Variants in PKD1 observed in about 807,000 individuals in gnomAD.
PKD1 encodes polycystin-1.
In PKD1, 81 loss-of-function variants were observed where a neutral mutation model predicts 361.7. That is an observed-to-expected ratio of 0.22 (90% confidence interval 0.19 to 0.27). The LOEUF (loss-of-function observed/expected upper bound fraction) is 0.27, where lower values mean the gene tolerates loss of function less well. Among genes scored for constraint, PKD1 ranks in the 10% least tolerant of loss-of-function variants. PKD1 has a pLI of 1.00. For missense variants in PKD1, 6,399 were observed against 6,118.3 expected, an observed-to-expected ratio of 1.05 and a Z score of -1.53; for synonymous variants, 3,615 against 2,818.3, an observed-to-expected ratio of 1.28 and a Z score of -8.95.
intron 15 of PKD1, 99 bp from the exon 16 acceptor site, chr16:2,108,131 G>A (rs2092406944): frequency 6.8e-7 from 1 of 1,473,906 alleles, no homozygotes; most frequent in Non-Finnish European, 9.4e-7. Flanking sequence ...CCCTCCCCAT[G>A]CTGGGACGGG....
At position 2,101,302 on chromosome 16, in the gene PKD1, G is replaced by C. The variant is rs140915042; in HGVS notation, c.9398-736C>G. Among the ~76,000 whole-genome samples the C allele has an allele frequency of 3.5e-3, 534 of 152,162 alleles. 1 individual carries two copies. The highest frequency in any genetic ancestry group is 0.012 in the African/African-American group (515 of 41,488). On this transcript the variant is annotated intron_variant, in intron 26 of 45. Transcript: ENST00000262304. ...CCCGGCCGACAGTTTTTAAAAGTAG[G>C]TAATCAAAAGAAAGAACTGGGCAAT... is the stretch of plus-strand genomic sequence containing the variant.
chr16:2,134,506 A>G (rs2092927107), intron 1 of PKD1, among the ~76,000 whole-genome samples: 1 of 138,078 alleles, frequency 7.2e-6, no homozygotes, highest in Non-Finnish European at 1.5e-5. Context: ...GACTCTCCCC[A>G]GCGCTGGGGA....
chr16:2,089,352 G>T lies in PKD1; in HGVS notation c.*375C>A. The T allele has an allele frequency of 2.9e-6, 1 of 349,302 alleles. No homozygotes were observed. The highest frequency in any genetic ancestry group is 5.6e-5 in the East Asian group (1 of 17,922). The allele number at this position is 349,302 out of a possible 1,614,324, so 21.6% of individuals were successfully genotyped here. A position where few individuals can be genotyped will look rare whatever the true frequency, so the allele number is the denominator to read the frequency against. ...CTGGAGAGGTAATAACTTAGGGGCA[G>T]GGTGGCGGCGGTGCAGGCTAACCCT... On this transcript the variant is annotated 3_prime_UTR_variant, in exon 46 of 46. Transcript: ENST00000262304.
rs1050876511 is a variant in PKD1 at position 2,090,366 on chromosome 16, G to A, written c.12363C>T (p.Ala4121=). ...CCATCTCGTAGTCCTGGGGCTCCCAGGCCGGCCGGTACAGCTCTCCACGCA... is the reference window on the plus strand; with the variant it reads ...CCATCTCGTAGTCCTGGGGCTCCCAAGCCGGCCGGTACAGCTCTCCACGCA... ...HALRGELYRP[A]WEPQDYEMVE... is the part of the protein sequence containing the mutation. The change falls in exon 45 of 46, where the codon GCC becomes GCT. Residue 4121 remains alanine, a synonymous_variant. Coordinates refer to ENST00000262304, the MANE Select transcript of PKD1 (RefSeq NM_001009944.3). 6 of 1,612,644 alleles carry A rather than the reference G, an allele frequency of 3.7e-6. No individual in the cohort carries two copies. Among genetic ancestry groups the A allele is most frequent in the East Asian group, 2.2e-5 (1 of 44,876 alleles).
chr16:2,093,684 C>T lies in PKD1; in HGVS notation c.10876G>A (p.Glu3626Lys), dbSNP rs1046924289. 6.2e-7 allele frequency: 1 copy of T among 1,604,212 alleles called. No individual in the cohort carries two copies. The highest frequency in any genetic ancestry group is 8.5e-7 in the Non-Finnish European group (1 of 1,175,542). ...GGGCTCTCTACCAGGGTGTCATCTT[C>T]ATCCGGGTGCAGCCGCTTGGCCACC... is the stretch of plus-strand genomic sequence containing the variant. Reference protein sequence around the residue: ...SLVAKRLHPDEDDTLVESPAV... With the variant: ...SLVAKRLHPDKDDTLVESPAV... The change falls in exon 37 of 46, where the codon GAA (glutamate) becomes AAA (lysine). Residue 3626 changes from glutamate to lysine, a missense_variant. By Grantham distance (56) the Glu-to-Lys change is moderately conservative. Transcript: ENST00000262304.
At position 2,112,923 on chromosome 16, in the gene PKD1, T is replaced by C; in HGVS notation, c.3026A>G (p.Tyr1009Cys). The C allele has an allele frequency of 6.2e-7, 1 of 1,604,884 alleles. No individual in the cohort carries two copies. The highest frequency in any genetic ancestry group is 8.5e-7 in the Non-Finnish European group (1 of 1,179,758). The change falls in exon 13 of 46, where the codon TAC (tyrosine) becomes TGC (cysteine). Residue 1009 changes from tyrosine (Y) to cysteine (C), a missense_variant. Tyr to Cys is a radical substitution (Grantham distance 194). Coordinates refer to ENST00000262304, the MANE Select transcript of PKD1 (RefSeq NM_001009944.3). ...SNHVSNVTVNYNVTVERMNRM... is the reference protein window; with the variant it reads ...SNHVSNVTVNCNVTVERMNRM... The stretch of plus-strand genomic sequence containing the variant: ...GTTCATCCGCTCCACGGTTACGTTG[T>C]AGTTCACGGTGACGTTGCTCACGTG...
chr16:2,112,683 C>T (rs766767680), intron 13 of PKD1, 105 bp downstream of exon 13: 224 of 1,298,006 alleles, frequency 1.7e-4, no homozygotes, highest in Non-Finnish European at 2.1e-4. Flanking sequence ...GACAGGGAAA[C>T]CGAGGCTCAG....
Position 2,100,055 on chromosome 16 carries a change from C to T in PKD1, c.9729G>A (p.Leu3243=), listed in dbSNP as rs2092027310. 1 of 1,595,792 alleles carries T rather than the reference C, an allele frequency of 6.3e-7. No homozygotes were observed. The highest frequency in any genetic ancestry group is 8.5e-7 in the Non-Finnish European group (1 of 1,172,738). ...CAGCCACCAGCAGGCGCCGGAAGCG[C>T]AAAAGGGCTGCGTCGCCTAGAAGGC... The part of the protein sequence containing the change: ...EVLAASDAAL[L]RFRRLLVAEL... Residue 3243 remains leucine, a synonymous_variant, in exon 29 of 46, where the codon TTG becomes TTA. Coordinates refer to ENST00000262304, the MANE Select transcript of PKD1 (RefSeq NM_001009944.3). This position sits in a 1 kb window ranked among gnomAD's most constrained non-coding sequence, Gnocchi z 4.4.
At chr16:2,127,117 C>T (rs1393424974) in intron 1 of PKD1, among the ~76,000 whole-genome samples, 1 of 152,122 alleles carries the variant, frequency 6.6e-6, no homozygotes, top group Admixed American at 6.5e-5. Context: ...CCCAAAGCTC[C>T]CAAAGACTCT....
Position 2,099,665 on chromosome 16 carries a change from G to A in PKD1, c.10029C>T (p.Leu3343=). ...VYPVYLAILF[L]FRMSRSKVAG... is the part of the protein sequence containing the mutation. The stretch of plus-strand genomic sequence containing the variant: ...CCACCTTGCTCCGGGACATCCGGAA[G>A]AGAAAAAGGATGGCCAGGTAGACGG... The change falls in exon 30 of 46, where the codon CTC becomes CTT. Residue 3343 remains leucine, a synonymous_variant. Transcript: ENST00000262304. 6.3e-7 allele frequency: 1 copy of A among 1,593,966 alleles called. No individual in the cohort carries two copies. The highest frequency in any genetic ancestry group is 8.5e-7 in the Non-Finnish European group (1 of 1,178,020).
intron 22 of PKD1, 105 bp downstream of exon 22, chr16:2,104,393 G>T: frequency 1.6e-6 from 1 of 637,642 alleles, no homozygotes; most frequent in South Asian, 1.7e-5. Context: ...AGGGGAGGGG[G>T]ACGAAGATGG....
At chr16:2,120,761 G>A (rs866445617) in intron 1 of PKD1, among the ~76,000 whole-genome samples, 2 of 152,228 alleles carry the variant, frequency 1.3e-5, no homozygotes, top group African/African-American at 4.8e-5. Flanking sequence ...GCTCACTCCT[G>A]TAATGCCAGA....
At chr16:2,104,337 GGAGAATGGGAATTGGGGGAGGGGGAT>G (rs1567179588) in intron 22 of PKD1, among the ~76,000 whole-genome samples, 135 bp downstream of exon 22, 1 of 81,832 alleles carries the variant, frequency 1.2e-5, no homozygotes, top group Non-Finnish European at 2.5e-5. Context: ...GGGAGGGGGA[GGAGAATGGGAATTGGGGGAGGGGGAT>G]GAGGATGGGA....
chr16:2,088,898 C>CA lies in PKD1; in HGVS notation c.*828dup. 2.3e-6 allele frequency: 1 copy of CA among 431,588 alleles called. No individual in the cohort carries two copies. Among genetic ancestry groups the CA allele is most frequent in the Non-Finnish European group, 4.3e-6 (1 of 234,998 alleles). 26.7% of individuals were successfully genotyped at this position (431,588 alleles called of 1,614,324 possible). Reference sequence around the variant, plus strand: ...GCGCGCGCGCACACACACACACACACAGTCACCTTCCTCCACCCTGGGAGC... The same window carrying CA: ...GCGCGCGCGCACACACACACACACACAAGTCACCTTCCTCCACCCTGGGAGC... On this transcript the variant is annotated 3_prime_UTR_variant, in exon 46 of 46. Coordinates refer to ENST00000262304, the MANE Select transcript of PKD1 (RefSeq NM_001009944.3).
chr16:2,122,706 C>T (rs1183576393), intron 1 of PKD1, among the ~76,000 whole-genome samples: 1 of 152,206 alleles, frequency 6.6e-6, no homozygotes, highest in African/African-American at 2.4e-5. Flanking sequence ...GAGGGACTTT[C>T]CAGCGGCTGC....
rs764465921 is a variant in PKD1 at position 2,108,901 on chromosome 16, C to T, written c.6266G>A (p.Arg2089His). 23 of 1,582,396 alleles carry T rather than the reference C, an allele frequency of 1.5e-5. No individual in the cohort carries two copies. Among genetic ancestry groups the T allele is most frequent in the African/African-American group, 1.1e-4 (8 of 74,100 alleles). The stretch of plus-strand genomic sequence containing the variant: ...CCCAAAGTCCCAGTGGTAGGCCACA[C>T]GCCGGGGGCTGGGGCTGGTGGCGGC... ...FEAATSPSPR[R>H]VAYHWDFGDG... Residue 2089 changes from arginine to histidine, a missense_variant, in exon 15 of 46, where the codon CGT becomes CAT. Arg to His is a conservative substitution (Grantham distance 29, BLOSUM62 0). Coordinates refer to ENST00000262304, the MANE Select transcript of PKD1 (RefSeq NM_001009944.3).
In PKD1 at chr16:2,107,905, T is replaced by G; in HGVS notation, c.7043A>C (p.Lys2348Thr). The G allele has an allele frequency of 6.5e-7, 1 of 1,545,084 alleles. No homozygotes were observed. Among genetic ancestry groups the G allele is most frequent in the Non-Finnish European group, 8.7e-7 (1 of 1,146,616 alleles). Residue 2348 changes from lysine (K) to threonine (T), a missense_variant, in exon 16 of 46, where the codon AAG becomes ACG. Coordinates refer to ENST00000262304, the MANE Select transcript of PKD1 (RefSeq NM_001009944.3). ...CACCGTCTGGTTGGTGGCCTCCTCC[T>G]TGCGGCCGGCCTTCCACACGGTCAG... ...FSLTVWKAGRKEEATNQTVLI... is the reference protein window; with the variant it reads ...FSLTVWKAGRTEEATNQTVLI...
rs1448313391 is a variant in PKD1, at chr16:2,117,586, G to A, written c.1288C>T (p.Leu430=). ...GCCTGACACTGCTCCTGCGCCTGCA[G>A]CCAGGCCGCCTTCTCCACCACCAGG... is the stretch of plus-strand genomic sequence containing the variant. The part of the protein sequence containing the change: ...YRLVVEKAAW[L]QAQEQCQAWA... The change falls in exon 6 of 46, where the codon CTG becomes TTG. Residue 430 remains leucine, a synonymous_variant. Coordinates refer to ENST00000262304, the MANE Select transcript of PKD1 (RefSeq NM_001009944.3). The A allele has an allele frequency of 1.9e-6, 3 of 1,609,124 alleles. No individual in the cohort carries two copies. Among genetic ancestry groups the A allele is most frequent in the Admixed American group, 3.3e-5 (2 of 59,868 alleles).
rs2092260997 is a variant in PKD1, at chr16:2,104,553, G to A, written c.8106C>T (p.Thr2702=). The A allele has an allele frequency of 6.3e-7, 1 of 1,595,140 alleles. No individual in the cohort carries two copies. The highest frequency in any genetic ancestry group is 8.5e-7 in the Non-Finnish European group (1 of 1,172,386). Residue 2702 remains threonine, a synonymous_variant, in exon 22 of 46, where the codon ACC becomes ACT. Transcript: ENST00000262304. The part of the protein sequence containing the change: ...EAMMLILQAE[T]TAGTVTPTAI... ...CGGTGGGCGTCACGGTGCCCGCGGT[G>A]GTCTCTGCCTGCAGGATGAGCATCA...
Sources: allele counts gnomAD v4.1 joint callset (sites outside exome capture counted in the v4.1 genomes callset), GRCh38; gene constraint gnomAD v4.1.1; non-coding constraint Gnocchi (gnomAD v3.1); transcripts MANE v1.5; gene names NCBI Gene and HGNC (gene_info 2026-07-23, HGNC 2026-07-21).